INCENP: variants seen among roughly 807,000 people sequenced by gnomAD.
INCENP encodes the protein inner centromere protein.
Under a neutral mutation model 107.3 loss-of-function variants are expected in INCENP, and 43 were observed. The observed-to-expected ratio is 0.40, with a 90% confidence interval of 0.31 to 0.52. INCENP has a LOEUF of 0.52. INCENP is among the 20% of genes least tolerant of loss of function. The probability of loss-of-function intolerance (pLI) is 0.53; values close to 1 mark genes in which losing one functional copy is unlikely to be tolerated. For synonymous variants in INCENP, 488 were observed against 494.4 expected, an observed-to-expected ratio of 0.99 and a Z score of 0.17; for missense variants, 1,089 against 1,250.9, an observed-to-expected ratio of 0.87 and a Z score of 1.95.
At position 62,141,492 on chromosome 11, in the gene INCENP, C is replaced by T; in HGVS notation, c.1594-8C>T. On this transcript the variant is annotated splice_polypyrimidine_tract_variant and splice_region_variant and intron_variant, in intron 10 of 18. Coordinates refer to ENST00000394818, the MANE Select transcript of INCENP (RefSeq NM_001040694.2). ...TAACTCTTGCCTTTTCCCTTGTCTC[C>T]TCCACAGTGCAGCTTCGTCGTAAGT... The T allele has an allele frequency of 6.2e-7, 1 of 1,614,020 alleles. No homozygotes were observed. The highest frequency in any genetic ancestry group is 2.2e-5 in the East Asian group (1 of 44,882).
chr11:62,134,625 A>G (rs1324062804), intron 4 of INCENP, among the ~76,000 whole-genome samples: 2 of 152,196 alleles, frequency 1.3e-5, no homozygotes, highest in African/African-American at 4.8e-5. Context: ...TGAAAAAATA[A>G]CTTTTCCAAA....
In INCENP at chr11:62,145,016, G is replaced by A. The variant is rs771853715; in HGVS notation, c.1640G>A (p.Arg547Gln). The part of the protein sequence containing the change: ...KERQRLENLR[R>Q]KEEAEQLRRQ... The stretch of plus-strand genomic sequence containing the variant: ...CGGCAGCGCCTGGAGAATCTGCGGC[G>A]GAAGGAGGAGGCCGAGCAGCTGCGC... Residue 547 changes from arginine (R) to glutamine (Q), a missense_variant, in exon 12 of 19, where the codon CGG becomes CAG. Physicochemically the swap from Arg to Gln is conservative, Grantham distance 43. Transcript: ENST00000394818. 183 of 1,606,330 alleles carry A rather than the reference G, an allele frequency of 1.1e-4. No homozygotes were observed. The highest frequency in any genetic ancestry group is 1.8e-4 in the East Asian group (8 of 44,834).
rs1341040443 is a variant in INCENP at position 62,130,346 on chromosome 11, A to C, written c.819A>C (p.Pro273=). The change falls in exon 4 of 19, where the codon CCA becomes CCC. Residue 273 remains proline, a synonymous_variant. Coordinates refer to ENST00000394818, the MANE Select transcript of INCENP (RefSeq NM_001040694.2). ...SPGPRDSPAF[P]DSPWRERVLA... is the part of the protein sequence containing the mutation. ...GCCCACGGGACTCGCCAGCCTTTCC[A>C]GATTCTCCATGGCGGGAGCGGGTGC... 5.6e-6 allele frequency: 9 copies of C among 1,612,144 alleles called. No homozygotes were observed. Among genetic ancestry groups the C allele is most frequent in the Non-Finnish European group, 6.8e-6 (8 of 1,179,974 alleles).
chr11:62,136,675 G>C (rs1162732666), intron 4 of INCENP, among the ~76,000 whole-genome samples: 11 of 151,932 alleles, frequency 7.2e-5, no homozygotes, highest in African/African-American at 2.7e-4. Flanking sequence ...GTGAGAGTCT[G>C]TCTCAAAAAA....
At chr11:62,146,564 A>G (rs1300190660) in intron 14 of INCENP, 94 bp from the exon 15 acceptor site, 15 of 1,506,562 alleles carry the variant, frequency 1.0e-5, no homozygotes, top group Middle Eastern at 2.2e-4. Flanking sequence ...GGTGGCTGAT[A>G]TGAGGGGCAC....
chr11:62,152,754 G>C lies in INCENP; in HGVS notation c.*778G>C, dbSNP rs990650762. 3.3e-5 allele frequency: 5 copies of C among 152,246 alleles called. No homozygotes were observed. The highest frequency in any genetic ancestry group is 6.5e-5 in the Admixed American group (1 of 15,282). The allele number at this position is 152,246 out of a possible 1,614,324, so 9.4% of individuals were successfully genotyped here. A position where few individuals can be genotyped will look rare whatever the true frequency, so the allele number is the denominator to read the frequency against. On this transcript the variant is annotated 3_prime_UTR_variant, in exon 19 of 19. Transcript: ENST00000394818. The stretch of plus-strand genomic sequence containing the variant: ...AGCATGAGGTCTGAGTAGAAAAGGG[G>C]TATCCCTTGAGACCACCTTGGGACC...
At chr11:62,141,544 C>A in intron 11 of INCENP, 33 bp downstream of exon 11, 2 of 1,613,770 alleles carry the variant, frequency 1.2e-6, no homozygotes, top group East Asian at 2.2e-5. Flanking sequence ...GGTAACCTCG[C>A]CCCACCTAGC....
chr11:62,145,973 G>A (rs1944234849), intron 14 of INCENP, among the ~76,000 whole-genome samples: 1 of 152,248 alleles, frequency 6.6e-6, no homozygotes, highest in African/African-American at 2.4e-5. Context: ...GCTTGTACTT[G>A]GAGCCAGACT....
chr11:62,136,087 G>A (rs138009909), intron 4 of INCENP, among the ~76,000 whole-genome samples: 1,880 of 152,246 alleles, frequency 0.012, 45 homozygotes, highest in African/African-American at 0.04. Flanking sequence ...GTGAGCCACC[G>A]CACCCGGCCT....
At chr11:62,143,980 G>A (rs948165902) in intron 11 of INCENP, among the ~76,000 whole-genome samples, 3 of 152,252 alleles carry the variant, frequency 2.0e-5, no homozygotes, top group African/African-American at 7.2e-5. Context: ...CCCAGGAGGG[G>A]GTGCCAGCAT....
intron 1 of INCENP, among the ~76,000 whole-genome samples, 167 bp downstream of exon 1, chr11:62,124,330 G>A (rs1409263368): frequency 6.6e-6 from 1 of 152,206 alleles, no homozygotes; most frequent in African/African-American, 2.4e-5. Flanking sequence ...CGCCTGCCTT[G>A]GTTCTCGGGC....
intron 2 of INCENP, 105 bp from the exon 3 acceptor site, chr11:62,128,665 G>C: frequency 1.2e-6 from 1 of 826,852 alleles, no homozygotes; most frequent in South Asian, 1.5e-5. Context: ...GGACACCCCA[G>C]CTTGACCTGT....
At chr11:62,146,012 T>C (rs761503881) in intron 14 of INCENP, among the ~76,000 whole-genome samples, 3 of 152,228 alleles carry the variant, frequency 2.0e-5, no homozygotes, top group African/African-American at 7.2e-5. Flanking sequence ...ATTTATTAGC[T>C]GTGTGACTTT....
At chr11:62,128,626 A>C (rs1943810088) in intron 2 of INCENP, 144 bp from the exon 3 acceptor site, 2 of 657,636 alleles carry the variant, frequency 3.0e-6, no homozygotes, top group Non-Finnish European at 5.4e-6. Flanking sequence ...GGTGACTTGC[A>C]CATGGCCTTG....
rs1035072738 is a variant in INCENP, at chr11:62,141,566, G to A, written c.1605+55G>A. 30 of 1,608,126 alleles carry A rather than the reference G, an allele frequency of 1.9e-5. 1 individual carries two copies. The highest frequency in any genetic ancestry group is 1.0e-4 in the Admixed American group (6 of 59,996). On this transcript the variant is annotated intron_variant, in intron 11 of 18. Coordinates refer to ENST00000394818, the MANE Select transcript of INCENP (RefSeq NM_001040694.2). ...TCGCCCCACCTAGCACTCACCCGCTGTAGCCCCTTCCCTGCGTAGCTGACA... is the reference window on the plus strand; with the variant it reads ...TCGCCCCACCTAGCACTCACCCGCTATAGCCCCTTCCCTGCGTAGCTGACA...
In INCENP at chr11:62,141,500, T is replaced by G; in HGVS notation, c.1594T>G (p.Cys532Gly). 6.2e-7 allele frequency: 1 copy of G among 1,614,044 alleles called. No homozygotes were observed. Residue 532 changes from cysteine (C) to glycine (G), a missense_variant and splice_region_variant, in exon 11 of 19, where the codon TGC (cysteine) becomes GGC (glycine). Coordinates refer to ENST00000394818, the MANE Select transcript of INCENP (RefSeq NM_001040694.2). ...RNTPLRMDPK[C>G]SFVEKERQRL... Reference sequence around the variant, plus strand: ...GCCTTTTCCCTTGTCTCCTCCACAGTGCAGCTTCGTCGTAAGTAAAGCCTT... The same window carrying G: ...GCCTTTTCCCTTGTCTCCTCCACAGGGCAGCTTCGTCGTAAGTAAAGCCTT...
At chr11:62,142,496 A>G (rs1380015104) in intron 11 of INCENP, among the ~76,000 whole-genome samples, 12 of 152,212 alleles carry the variant, frequency 7.9e-5, no homozygotes, top group African/African-American at 2.9e-4. Flanking sequence ...TCCCTGCACA[A>G]AGCATCTAGT....
intron 2 of INCENP, 50 bp downstream of exon 2, chr11:62,128,351 T>G (rs1943803583): frequency 1.9e-6 from 3 of 1,610,056 alleles, no homozygotes; most frequent in Non-Finnish European, 8.5e-7. Flanking sequence ...CTGTCTGGGC[T>G]GCTTTGGTCT....
At position 62,141,522 on chromosome 11, in the gene INCENP, C is replaced by A; in HGVS notation, c.1605+11C>A. The A allele has an allele frequency of 6.2e-7, 1 of 1,614,042 alleles. No homozygotes were observed. The highest frequency in any genetic ancestry group is 1.3e-5 in the African/African-American group (1 of 75,068). On this transcript the variant is annotated intron_variant, in intron 11 of 18. Transcript: ENST00000394818. ...CAGTGCAGCTTCGTCGTAAGTAAAG[C>A]CTTTTCCTGTCGGTAACCTCGCCCC...
Sources: gnomAD v4.1 joint callset for allele counts (sites outside exome capture counted in the v4.1 genomes callset) on GRCh38, gnomAD v4.1.1 for gene constraint, MANE v1.5 for transcripts, NCBI Gene and HGNC (gene_info 2026-07-23, HGNC 2026-07-21) for gene names.